Variants in ASCC3 observed in about 807,000 individuals in gnomAD.
ASCC3 encodes ASC-1 complex subunit P200.
A neutral mutation model predicts 256.3 loss-of-function variants in ASCC3; 158 were observed. The observed-to-expected ratio is 0.62, with a 90% CI of 0.54 to 0.70. The LOEUF is 0.70. Among genes scored for constraint, ASCC3 ranks in the 30% least tolerant of loss-of-function variants. The pLI is 0.00. For synonymous variants in ASCC3, 948 were observed against 883.4 expected (o/e 1.07, Z -1.30); for missense variants, 2,259 against 2,626.0 (o/e 0.86, Z 3.05).
intron 13 of ASCC3, among the ~76,000 whole-genome samples, chr6:100,681,439 C>G (rs1440054669): frequency 6.6e-6 from 1 of 151,838 alleles, no homozygotes; most frequent in African/African-American, 2.4e-5. Context: ...ATCATAAGAA[C>G]ATTTTAAGGC....
At chr6:100,541,603 A>C (rs896448271) in intron 36 of ASCC3, among the ~76,000 whole-genome samples, 4 of 152,208 alleles carry the variant, frequency 2.6e-5, no homozygotes, top group Non-Finnish European at 4.4e-5. Context: ...AGGATCAAAC[A>C]GCTTCCAAGT....
intron 13 of ASCC3, among the ~76,000 whole-genome samples, chr6:100,709,424 C>A (rs1778764689): frequency 6.6e-6 from 1 of 152,108 alleles, no homozygotes; most frequent in Non-Finnish European, 1.5e-5. Context: ...TCAACACAAA[C>A]ACCTGCATTT....
At chr6:100,662,924 C>G (rs920996314) in intron 14 of ASCC3, among the ~76,000 whole-genome samples, 1 of 152,030 alleles carries the variant, frequency 6.6e-6, no homozygotes, top group African/African-American at 2.4e-5. Context: ...CAATGCAAGA[C>G]TATGGAAATC....
intron 36 of ASCC3, among the ~76,000 whole-genome samples, chr6:100,588,799 T>C (rs1468435896): frequency 6.6e-6 from 1 of 151,946 alleles, no homozygotes; most frequent in Non-Finnish European, 1.5e-5. Flanking sequence ...TATAAAGCAA[T>C]AGGAGAGGAA....
chr6:100,722,012 T>C (rs1431566567), intron 11 of ASCC3, among the ~76,000 whole-genome samples: 2 of 151,732 alleles, frequency 1.3e-5, no homozygotes, highest in South Asian at 2.1e-4. Context: ...TTTTTGTATA[T>C]AGTGAAAGGT....
rs183146657 is a variant in ASCC3 at position 100,555,841 on chromosome 6, T to C, written c.5551-15454A>G. Among the ~76,000 whole-genome samples the C allele has an allele frequency of 3.5e-4, 53 of 152,232 alleles. No individual in the cohort carries two copies. In the East Asian group the frequency reaches 9.7e-3, roughly 28 times the overall value. Reference sequence around the variant, plus strand: ...CTGTAATCTATCTTAAAAAGCCAAATAGCCAATAGCTGGGTGTGGTGGCAC... The same window carrying C: ...CTGTAATCTATCTTAAAAAGCCAAACAGCCAATAGCTGGGTGTGGTGGCAC... On this transcript the variant is annotated intron_variant, in intron 36 of 41. Coordinates refer to ENST00000369162, the MANE Select transcript of ASCC3 (RefSeq NM_006828.4).
At chr6:100,769,552 A>T (rs961081875) in intron 8 of ASCC3, among the ~76,000 whole-genome samples, 1 of 151,836 alleles carries the variant, frequency 6.6e-6, no homozygotes, top group Non-Finnish European at 1.5e-5. Flanking sequence ...AAGGTTTCAA[A>T]AGAACAACTT....
chr6:100,679,090 T>A (rs1211369432), intron 14 of ASCC3, among the ~76,000 whole-genome samples: 1 of 152,130 alleles, frequency 6.6e-6, no homozygotes, highest in East Asian at 1.9e-4. Context: ...GGTTGGGGCC[T>A]AAAGGTCTCC....
At chr6:100,592,942 C>T (rs1444963019) in intron 34 of ASCC3, among the ~76,000 whole-genome samples, 1 of 152,070 alleles carries the variant, frequency 6.6e-6, no homozygotes, top group Non-Finnish European at 1.5e-5. Flanking sequence ...TCATTATCTT[C>T]TCTTTGCCAT....
At chr6:100,754,876 T>C (rs9498303) in intron 10 of ASCC3, among the ~76,000 whole-genome samples, 2,944 of 152,268 alleles carry the variant, frequency 0.019, 87 homozygotes, top group African/African-American at 0.068. Context: ...GATGGTTTTA[T>C]AAAGGGTGGT....
intron 23 of ASCC3, among the ~76,000 whole-genome samples, chr6:100,643,248 T>C (rs927992954): frequency 7.2e-5 from 11 of 152,168 alleles, no homozygotes; most frequent in Non-Finnish European, 1.0e-4. Context: ...TGAAGCTTGC[T>C]TTATCTTTGA....
chr6:100,865,941 G>A (rs952878319), intron 2 of ASCC3, among the ~76,000 whole-genome samples: 1 of 144,424 alleles, frequency 6.9e-6, no homozygotes, highest in Non-Finnish European at 1.5e-5. Context: ...GCAACCTAGA[G>A]ATAAATAATT....
intron 5 of ASCC3, among the ~76,000 whole-genome samples, chr6:100,804,071 C>T (rs2114357965): frequency 6.6e-6 from 1 of 152,218 alleles, no homozygotes; most frequent in Non-Finnish European, 1.5e-5. Flanking sequence ...CTAGCCAACT[C>T]TTAATTTTTC....
chr6:100,745,113 G>C (rs1207828888), intron 10 of ASCC3, among the ~76,000 whole-genome samples: 1 of 152,096 alleles, frequency 6.6e-6, no homozygotes, highest in African/African-American at 2.4e-5. Flanking sequence ...CGGATCACAA[G>C]GTCAGGAGTT....
intron 8 of ASCC3, among the ~76,000 whole-genome samples, chr6:100,785,587 A>T (rs554341852): frequency 2.2e-4 from 34 of 152,134 alleles, no homozygotes; most frequent in Non-Finnish European, 3.8e-4. Flanking sequence ...ATTTTAAAAA[A>T]TATGTTTAGA....
rs570826186 is a variant in ASCC3 at position 100,633,056 on chromosome 6, A to C, written c.4123-1843T>G. Among the ~76,000 whole-genome samples the C allele has an allele frequency of 3.9e-4, 59 of 152,302 alleles. 1 individual carries two copies. In the South Asian group the frequency reaches 8.7e-3, roughly 22 times the overall value. On this transcript the variant is annotated intron_variant, in intron 25 of 41. Coordinates refer to ENST00000369162, the MANE Select transcript of ASCC3 (RefSeq NM_006828.4). Reference sequence around the variant, plus strand: ...AAGAAATGACAAAACGAAAGAAAATATTTGCAAACCATATACACTAGTTCT... The same window carrying C: ...AAGAAATGACAAAACGAAAGAAAATCTTTGCAAACCATATACACTAGTTCT...
chr6:100,581,651 C>A (rs1000768019), intron 36 of ASCC3, among the ~76,000 whole-genome samples: 1 of 152,100 alleles, frequency 6.6e-6, no homozygotes, highest in Non-Finnish European at 1.5e-5. Flanking sequence ...GACATGAAGT[C>A]CTTGCCCATG....
chr6:100,778,870 T>C (rs1251687559), intron 8 of ASCC3, among the ~76,000 whole-genome samples: 2 of 152,156 alleles, frequency 1.3e-5, no homozygotes, highest in Non-Finnish European at 2.9e-5. Context: ...AACGTTTGGC[T>C]ATTCAATAAA....
intron 4 of ASCC3, among the ~76,000 whole-genome samples, chr6:100,824,180 T>C (rs1243257513): frequency 1.3e-5 from 2 of 152,206 alleles, no homozygotes; most frequent in Non-Finnish European, 2.9e-5. Context: ...CAAAATATTA[T>C]ATCCAAGTAA....
Sources: gnomAD v4.1 joint callset for allele counts (sites outside exome capture counted in the v4.1 genomes callset) on GRCh38, gnomAD v4.1.1 for gene constraint, MANE v1.5 for transcripts, NCBI Gene and HGNC (gene_info 2026-07-23, HGNC 2026-07-21) for gene names.